LOXL2: variants seen among roughly 807,000 people sequenced by gnomAD.
LOXL2 encodes the protein lysyl oxidase like 2.
Under a neutral mutation model 93.0 loss-of-function variants are expected in LOXL2, and 70 were observed. That is an observed-to-expected ratio of 0.75 (90% confidence interval 0.62 to 0.92). The LOEUF is 0.92. LOXL2 is among the 40% of genes least tolerant of loss of function. The probability of loss-of-function intolerance (pLI) is 0.00; values close to 1 mark genes in which losing one functional copy is unlikely to be tolerated. For synonymous variants in LOXL2, 438 were observed against 413.2 expected (o/e 1.06, Z -0.73); for missense variants, 973 against 1,054.9 (o/e 0.92, Z 1.08).
chr8:23,350,246 T>C (rs1804070273), intron 3 of LOXL2, among the ~76,000 whole-genome samples: 2 of 152,146 alleles, frequency 1.3e-5, no homozygotes, highest in Admixed American at 6.5e-5. Flanking sequence ...GTTGTAATTA[T>C]CCCCTTTTGA....
chr8:23,340,998 A>G lies in LOXL2; in HGVS notation c.737T>C (p.Val246Ala), dbSNP rs1235448511. 6.2e-7 allele frequency: 1 copy of G among 1,613,944 alleles called. No homozygotes were observed. Among genetic ancestry groups the G allele is most frequent in the Non-Finnish European group, 8.5e-7 (1 of 1,179,882 alleles). ...TTTGGTGCAGTCCTCTTACTTGTAC[A>G]CTTTGGTATTGTATGTCCTCTCCCC... ...FPGERTYNTK[V>A]YKMFASRRKQ... is the part of the protein sequence containing the mutation. Residue 246 changes from valine to alanine, a missense_variant, in exon 4 of 14, where the codon GTG becomes GCG. Transcript: ENST00000389131.
intron 7 of LOXL2, 136 bp downstream of exon 7, chr8:23,321,994 T>G: frequency 1.0e-6 from 1 of 999,936 alleles, no homozygotes; most frequent in Non-Finnish European, 1.5e-6. Context: ...AACTAAACAT[T>G]GCAAATGCCA....
rs555511233 is a variant in LOXL2, at chr8:23,308,602, C to A, written c.1880+1066G>T. On this transcript the variant is annotated intron_variant, in intron 10 of 13. Coordinates refer to ENST00000389131, the MANE Select transcript of LOXL2 (RefSeq NM_002318.3). ...AGGTCTGAGCAAAAAAATCCCTGGA[C>A]ATACAGAGACAGCAGGCTCTGGATT... Among the ~76,000 whole-genome samples, 163 of 152,328 alleles carry A rather than the reference C, an allele frequency of 1.1e-3. 1 individual carries two copies. The highest frequency in any genetic ancestry group is 3.8e-3 in the African/African-American group (158 of 41,570).
chr8:23,353,909 A>C (rs1358617205), intron 3 of LOXL2, among the ~76,000 whole-genome samples: 1 of 152,230 alleles, frequency 6.6e-6, no homozygotes, highest in African/African-American at 2.4e-5. Flanking sequence ...GTCAAAAGGC[A>C]GGTTAGGGTA....
chr8:23,362,452 T>C (rs554427630), intron 2 of LOXL2, among the ~76,000 whole-genome samples: 37 of 152,332 alleles, frequency 2.4e-4, no homozygotes, highest in Non-Finnish European at 4.6e-4. Context: ...TGTTTAAGGC[T>C]GGGCTGGGCA....
intron 1 of LOXL2, among the ~76,000 whole-genome samples, chr8:23,386,929 A>G (rs773826591): frequency 2.1e-4 from 32 of 152,208 alleles, no homozygotes; most frequent in Non-Finnish European, 3.1e-4. Context: ...GATTGCAGGC[A>G]TAAGTCAAGG....
intron 1 of LOXL2, among the ~76,000 whole-genome samples, chr8:23,383,062 T>TTTAAACAAACTCGA (rs1159581378): frequency 6.6e-6 from 1 of 152,124 alleles, no homozygotes; most frequent in Non-Finnish European, 1.5e-5. Context: ...CCGTAGCGGT[T>TTTAAACAAACTCGA]TTAAACAAAC....
intron 9 of LOXL2, 151 bp from the exon 10 acceptor site, chr8:23,310,062 C>T: frequency 2.7e-6 from 2 of 741,502 alleles, no homozygotes; most frequent in Non-Finnish European, 3.9e-6. Flanking sequence ...TCTTGTTTAG[C>T]AAGACCCTGA....
chr8:23,387,521 T>C (rs1312160978), intron 1 of LOXL2, among the ~76,000 whole-genome samples: 1 of 152,236 alleles, frequency 6.6e-6, no homozygotes, highest in Non-Finnish European at 1.5e-5. Flanking sequence ...ATAAACGGCA[T>C]GGACTAGCGG....
At position 23,298,039 on chromosome 8, in the gene LOXL2, T is replaced by C. The variant is rs757057650; in HGVS notation, c.*4A>G. 1.2e-6 allele frequency: 2 copies of C among 1,612,990 alleles called. No homozygotes were observed. Among genetic ancestry groups the C allele is most frequent in the African/African-American group, 2.7e-5 (2 of 74,912 alleles). The stretch of plus-strand genomic sequence containing the variant: ...GAAGACAGGAGTTGACCACGCAGGC[T>C]TCTTTACTGCGGGGACAGCTGGTTG... On this transcript the variant is annotated 3_prime_UTR_variant, in exon 14 of 14. Transcript: ENST00000389131.
intron 3 of LOXL2, among the ~76,000 whole-genome samples, chr8:23,351,136 G>C (rs1460150586): frequency 6.6e-6 from 1 of 152,180 alleles, no homozygotes; most frequent in Non-Finnish European, 1.5e-5. Context: ...CTAGTGTAGG[G>C]TCTGGTGCTG....
chr8:23,367,391 C>G (rs1486662189), intron 2 of LOXL2, among the ~76,000 whole-genome samples: 2 of 152,140 alleles, frequency 1.3e-5, no homozygotes, highest in Non-Finnish European at 2.9e-5. Context: ...TAAATTTGAA[C>G]CTCACAAGGG....
intron 10 of LOXL2, among the ~76,000 whole-genome samples, chr8:23,308,728 G>GA (rs1487544472): frequency 6.6e-6 from 1 of 152,158 alleles, no homozygotes; most frequent in Non-Finnish European, 1.5e-5. Context: ...CTGGCTGTAG[G>GA]ATTTCACCCT....
chr8:23,322,810 T>A (rs539848706), intron 6 of LOXL2, among the ~76,000 whole-genome samples: 22 of 152,302 alleles, frequency 1.4e-4, no homozygotes, highest in African/African-American at 5.3e-4. Context: ...GACACAGGCA[T>A]AGATACCACG....
intron 3 of LOXL2, among the ~76,000 whole-genome samples, chr8:23,356,033 G>A (rs1470063108): frequency 6.6e-6 from 1 of 152,060 alleles, no homozygotes; most frequent in Non-Finnish European, 1.5e-5. Context: ...TACAGCTTGG[G>A]CCCATTATTT....
rs575297916 is a variant in LOXL2 at position 23,296,918 on chromosome 8, G to GGA, written c.*1123_*1124dup. Among the ~76,000 whole-genome samples, 175 of 152,334 alleles carry GGA rather than the reference G, an allele frequency of 1.1e-3. No homozygotes were observed. Among genetic ancestry groups the GGA allele is most frequent in the African/African-American group, 4.1e-3 (171 of 41,572 alleles). ...CTGACAAGTTTCAGTAAAAACCACA[G>GGA]GAGTTCAAGAAAGATTATGACTCCT... On this transcript the variant is annotated 3_prime_UTR_variant, in exon 14 of 14. Transcript: ENST00000389131.
At chr8:23,368,709 T>C (rs75441890) in intron 1 of LOXL2, among the ~76,000 whole-genome samples, 8,784 of 152,108 alleles carry the variant, frequency 0.058, 313 homozygotes, top group African/African-American at 0.078. Flanking sequence ...TTTTTAAGAC[T>C]ACGGACATGC....
At chr8:23,348,876 CA>C (rs5890101) in intron 3 of LOXL2, among the ~76,000 whole-genome samples, 1 of 151,178 alleles carries the variant, frequency 6.6e-6, no homozygotes, top group Non-Finnish European at 1.5e-5. Flanking sequence ...GACTCCGTCT[CA>C]AAAAAAACAA....
chr8:23,371,925 C>G (rs938427169), intron 1 of LOXL2, among the ~76,000 whole-genome samples: 9 of 151,838 alleles, frequency 5.9e-5, no homozygotes, highest in African/African-American at 2.2e-4. Flanking sequence ...ATGTTGTAAT[C>G]TTTATAGGAA....
Sources: gnomAD v4.1 joint callset for allele counts (sites outside exome capture counted in the v4.1 genomes callset) on GRCh38, gnomAD v4.1.1 for gene constraint, MANE v1.5 for transcripts, NCBI Gene and HGNC (gene_info 2026-07-23, HGNC 2026-07-21) for gene names.